The following NBEAL1 variants were observed in gnomAD, a reference collection of about 807,000 sequenced individuals.
The protein encoded by NBEAL1 is neurobeachin like 1, also known as neurobeachin-like protein 1.
Under a neutral mutation model 351.3 loss-of-function variants are expected in NBEAL1, and 273 were observed. That is an observed-to-expected ratio of 0.78 (90% CI 0.70 to 0.86). NBEAL1 has a LOEUF of 0.86. Among genes scored for constraint, NBEAL1 ranks in the 40% least tolerant of loss-of-function variants. The pLI is 0.00. For synonymous variants in NBEAL1, 1,050 were observed against 1,086.4 expected, an observed-to-expected ratio of 0.97 and a Z score of 0.66; for missense variants, 2,961 against 3,201.3, an observed-to-expected ratio of 0.92 and a Z score of 1.81.
intron 3 of NBEAL1, among the ~76,000 whole-genome samples, chr2:203,045,905 T>G (rs1304637107): frequency 1.3e-5 from 2 of 152,232 alleles, no homozygotes; most frequent in Non-Finnish European, 2.9e-5. Flanking sequence ...TTCTGAAGCT[T>G]TAGTGATAGC....
intron 2 of NBEAL1, among the ~76,000 whole-genome samples, chr2:203,019,977 T>A (rs1308973135): frequency 6.6e-6 from 1 of 152,212 alleles, no homozygotes; most frequent in African/African-American, 2.4e-5. Flanking sequence ...TTTATTTGAT[T>A]TTATTTTTAA....
At chr2:203,127,589 G>C (rs1416031467) in intron 23 of NBEAL1, among the ~76,000 whole-genome samples, 192 bp from the exon 24 acceptor site, 2 of 152,124 alleles carry the variant, frequency 1.3e-5, no homozygotes, top group Non-Finnish European at 2.9e-5. Context: ...GGGCGTGGTG[G>C]CGTGTGCCTG....
intron 31 of NBEAL1, among the ~76,000 whole-genome samples, chr2:203,140,313 A>G (rs938924930): frequency 6.6e-6 from 1 of 152,038 alleles, no homozygotes; most frequent in Non-Finnish European, 1.5e-5. Context: ...AAAAAAAAAA[A>G]AAAGAAAATA....
chr2:203,185,629 T>C (rs1477354114), intron 44 of NBEAL1, among the ~76,000 whole-genome samples: 1 of 152,228 alleles, frequency 6.6e-6, no homozygotes, highest in Non-Finnish European at 1.5e-5. Flanking sequence ...GAGGTTCTCA[T>C]GCAGTTAGTA....
At chr2:203,029,309 C>T (rs548980153) in intron 2 of NBEAL1, among the ~76,000 whole-genome samples, 21 of 152,276 alleles carry the variant, frequency 1.4e-4, no homozygotes, top group South Asian at 8.3e-4. Flanking sequence ...AGCTTCTTTA[C>T]CTGACCACCA....
chr2:203,167,495 G>A, intron 38 of NBEAL1, 135 bp downstream of exon 38: 2 of 884,782 alleles, frequency 2.3e-6, no homozygotes, highest in Non-Finnish European at 3.3e-6. Context: ...TACTTTGGGG[G>A]CTAATCAGTG....
Position 203,083,387 on chromosome 2 carries a change from G to T in NBEAL1, c.853G>T (p.Asp285Tyr). 6.4e-7 allele frequency: 1 copy of T among 1,555,482 alleles called. No homozygotes were observed. Among genetic ancestry groups the T allele is most frequent in the East Asian group, 2.4e-5 (1 of 42,034 alleles). The part of the protein sequence containing the change: ...VVHILLSSNS[D>Y]QRQVETSTIL... ...ACATATCCTTCTCAGTAGCAACTCT[G>T]ATCAGCGTCAAGTGGAAACCAGTAC... The change falls in exon 9 of 56, where the codon GAT becomes TAT. Residue 285 changes from aspartate (D) to tyrosine (Y), a missense_variant. Coordinates refer to ENST00000683969, the MANE Select transcript of NBEAL1 (RefSeq NM_001378026.1).
At chr2:203,044,907 A>G (rs923966321) in intron 3 of NBEAL1, among the ~76,000 whole-genome samples, 1 of 152,220 alleles carries the variant, frequency 6.6e-6, no homozygotes. Context: ...TTTACAGTAG[A>G]CATTCAAGAG....
chr2:203,117,311 A>G (rs1365145796), intron 18 of NBEAL1, among the ~76,000 whole-genome samples: 2 of 152,000 alleles, frequency 1.3e-5, no homozygotes, highest in Non-Finnish European at 2.9e-5. Context: ...AAAATACAAA[A>G]AATTAGCCAG....
chr2:203,084,628 T>C (rs978737756), intron 10 of NBEAL1, 59 bp downstream of exon 10: 2 of 983,190 alleles, frequency 2.0e-6, no homozygotes, highest in African/African-American at 3.4e-5. Context: ...TGTTTTTGTT[T>C]TGATTCACAT....
At chr2:203,175,533 A>G (rs1482639060) in intron 42 of NBEAL1, among the ~76,000 whole-genome samples, 2 of 152,228 alleles carry the variant, frequency 1.3e-5, no homozygotes, top group African/African-American at 4.8e-5. Context: ...GGAATCTACC[A>G]GAGATTTATA....
intron 9 of NBEAL1, among the ~76,000 whole-genome samples, 170 bp from the exon 10 acceptor site, chr2:203,084,293 C>T (rs999896361): frequency 4.6e-5 from 7 of 152,046 alleles, no homozygotes; most frequent in Admixed American, 3.3e-4. Context: ...TGGTGTATAG[C>T]TTCTAAAGGC....
In NBEAL1 at chr2:203,219,969, T is replaced by A. The variant is rs2882769; in HGVS notation, c.*2615T>A. 1 of 152,200 alleles carries A rather than the reference T, an allele frequency of 6.6e-6. No homozygotes were observed. Among genetic ancestry groups the A allele is most frequent in the Non-Finnish European group, 1.5e-5 (1 of 68,052 alleles). The allele number at this position is 152,200 out of a possible 1,614,324, so 9.4% of individuals were successfully genotyped here. ...GTTAAAAGAAGCAAACAACTATTAG[T>A]GAATAATATATTACTCATTTAAAGA... On this transcript the variant is annotated 3_prime_UTR_variant, in exon 56 of 56. Transcript: ENST00000683969.
intron 18 of NBEAL1, among the ~76,000 whole-genome samples, chr2:203,119,003 A>G (rs552028370): frequency 7.9e-5 from 12 of 151,160 alleles, no homozygotes; most frequent in South Asian, 4.2e-4. Context: ...AAAAAATTCT[A>G]TACTACCAAA....
At chr2:203,091,729 A>G (rs186287455) in intron 10 of NBEAL1, among the ~76,000 whole-genome samples, 40 of 152,198 alleles carry the variant, frequency 2.6e-4, no homozygotes, top group Non-Finnish European at 4.7e-4. Flanking sequence ...GATTAGTGAT[A>G]TTGAGCATCC....
chr2:203,119,437 T>TTTTTTTTTTTTTTG (rs2062778854), intron 18 of NBEAL1, among the ~76,000 whole-genome samples: 1 of 131,146 alleles, frequency 7.6e-6, no homozygotes, highest in African/African-American at 2.8e-5. Flanking sequence ...TTTTTTTTTT[T>TTTTTTTTTTTTTTG]TTTTTTTGAG....
rs187977222 is a variant in NBEAL1 at position 203,133,141 on chromosome 2, A to G, written c.3808A>G (p.Arg1270Gly). Reference protein sequence around the residue: ...AHINVRVAICRKVLQILQFQP... With the variant: ...AHINVRVAICGKVLQILQFQP... ...TATAAATGTTAGAGTGGCCATCTGC[A>G]GAAAGGTCAGTAAACTCTTAAGATA... The change falls in exon 27 of 56, where the codon AGA (arginine) becomes GGA (glycine). Residue 1270 changes from arginine (R) to glycine (G), a missense_variant. By Grantham distance (125) the Arg-to-Gly change is moderately radical (BLOSUM62 -2). Transcript: ENST00000683969. 10 of 1,430,294 alleles carry G rather than the reference A, an allele frequency of 7.0e-6. No individual in the cohort carries two copies. In the African/African-American group the frequency reaches 1.0e-4, roughly 14 times the overall value. 88.6% of individuals were successfully genotyped at this position (1,430,294 alleles called of 1,614,324 possible).
At chr2:203,117,120 A>C (rs1024537009) in intron 18 of NBEAL1, among the ~76,000 whole-genome samples, 3 of 149,746 alleles carry the variant, frequency 2.0e-5, no homozygotes, top group African/African-American at 7.4e-5. Flanking sequence ...AAAAGAAAGT[A>C]ATAAATTATT....
intron 7 of NBEAL1, 138 bp from the exon 8 acceptor site, chr2:203,077,614 G>T: frequency 2.3e-6 from 1 of 440,098 alleles, no homozygotes; most frequent in Non-Finnish European, 3.9e-6. Flanking sequence ...AAGACAAAAT[G>T]CATATCAACC....
Sources: allele counts gnomAD v4.1 joint callset (sites outside exome capture counted in the v4.1 genomes callset), GRCh38; gene constraint gnomAD v4.1.1; transcripts MANE v1.5; gene names NCBI Gene and HGNC (gene_info 2026-07-23, HGNC 2026-07-21).